Variants in DCN observed in about 807,000 individuals in gnomAD.
The protein encoded by DCN is decorin.
In DCN, 17 loss-of-function variants were observed where a neutral mutation model predicts 36.5. The ratio of observed to expected loss-of-function variants is 0.47; its 90% CI spans 0.32 to 0.70. The LOEUF (loss-of-function observed/expected upper bound fraction) is 0.70, where lower values mean the gene tolerates loss of function less well. DCN is among the 30% of genes least tolerant of loss of function. DCN has a pLI of 0.04. For synonymous variants in DCN, 163 were observed against 161.4 expected (o/e 1.01, Z -0.07); for missense variants, 389 against 430.1 (o/e 0.90, Z 0.84).
chr12:91,176,410 A>C (rs1883288493), intron 2 of DCN: 1 of 152,164 alleles, frequency 6.6e-6, no homozygotes, highest in Non-Finnish European at 1.5e-5. Flanking sequence ...TTCTCATCTG[A>C]AAACAAAAAA....
Position 91,180,000 on chromosome 12 carries a change from T to A in DCN, c.-33-1415A>T, listed in dbSNP as rs146017990. On this transcript the variant is annotated intron_variant, in intron 1 of 7. Transcript: ENST00000052754. The stretch of plus-strand genomic sequence containing the variant: ...ATCTATGTTGTTAAATCAACTGAAG[T>A]GCACTAAATAAATCTGAGTGACAAA... 5.5e-3 allele frequency among the ~76,000 whole-genome samples: 830 copies of A among 152,278 alleles called. 6 individuals carry two copies. The highest frequency in any genetic ancestry group is 0.019 in the African/African-American group (771 of 41,558).
At chr12:91,171,005 T>C (rs943665783) in intron 2 of DCN, among the ~76,000 whole-genome samples, 1 of 152,190 alleles carries the variant, frequency 6.6e-6, no homozygotes, top group Non-Finnish European at 1.5e-5. Context: ...ATAATTCCTA[T>C]TGATACTGAT....
At chr12:91,181,541 C>G (rs998308492) in intron 1 of DCN, among the ~76,000 whole-genome samples, 1 of 152,008 alleles carries the variant, frequency 6.6e-6, no homozygotes, top group Non-Finnish European at 1.5e-5. Flanking sequence ...ATGCTAATTA[C>G]TAATGTAATA....
chr12:91,157,327 GA>G (rs2121205087), intron 4 of DCN, 139 bp from the exon 5 acceptor site: 1 of 696,864 alleles, frequency 1.4e-6, no homozygotes, highest in East Asian at 2.7e-5. Context: ...TGAAGTTAAA[GA>G]GCATGCTCCT....
intron 2 of DCN, among the ~76,000 whole-genome samples, chr12:91,173,595 A>G (rs1883112462): frequency 6.6e-6 from 1 of 152,054 alleles, no homozygotes; most frequent in Non-Finnish European, 1.5e-5. Flanking sequence ...CCTCCTTCCC[A>G]TATCATGTTT....
intron 5 of DCN, among the ~76,000 whole-genome samples, chr12:91,154,288 T>C (rs1179554135): frequency 2.6e-5 from 4 of 152,172 alleles, no homozygotes; most frequent in African/African-American, 9.6e-5. Flanking sequence ...CTATTTATTG[T>C]ATGTCTGTTA....
At chr12:91,147,018 G>A (rs543200166) in intron 7 of DCN, among the ~76,000 whole-genome samples, 1 of 151,986 alleles carries the variant, frequency 6.6e-6, no homozygotes, top group Non-Finnish European at 1.5e-5. Context: ...CTTTTTTTAA[G>A]CTCTCAGAGC....
chr12:91,159,961 C>A (rs1162464805), intron 3 of DCN, among the ~76,000 whole-genome samples: 2 of 152,036 alleles, frequency 1.3e-5, no homozygotes. Flanking sequence ...CTCAGAAATG[C>A]AAGAATGTTT....
At chr12:91,164,867 T>C in intron 2 of DCN, 150 bp from the exon 3 acceptor site, 3 of 635,288 alleles carry the variant, frequency 4.7e-6, no homozygotes, top group Non-Finnish European at 5.7e-6. Context: ...ACATTCATTG[T>C]AGGGTAAAAT....
At chr12:91,166,406 G>A (rs1806121342) in intron 2 of DCN, among the ~76,000 whole-genome samples, 1 of 152,184 alleles carries the variant, frequency 6.6e-6, no homozygotes, top group Non-Finnish European at 1.5e-5. Flanking sequence ...TTTCGGAAAT[G>A]TCAATTTGCT....
At chr12:91,160,442 C>T (rs1030711633) in intron 3 of DCN, among the ~76,000 whole-genome samples, 3 of 151,968 alleles carry the variant, frequency 2.0e-5, no homozygotes, top group Non-Finnish European at 4.4e-5. Flanking sequence ...GTAGGTCTTA[C>T]ACTGTACCAA....
intron 4 of DCN, among the ~76,000 whole-genome samples, chr12:91,157,698 G>C (rs892254239): frequency 6.6e-6 from 1 of 151,436 alleles, no homozygotes; most frequent in African/African-American, 2.4e-5. Context: ...GGGCCATCTC[G>C]GCTCACTGCA....
At chr12:91,179,506 A>G (rs137876888) in intron 1 of DCN, 1 of 152,284 alleles carries the variant, frequency 6.6e-6, no homozygotes, top group East Asian at 1.9e-4. Flanking sequence ...TTATCACATT[A>G]TATTGCAATT....
At chr12:91,182,482 T>C (rs1267366076) in intron 1 of DCN, 173 bp downstream of exon 1, 5 of 152,086 alleles carry the variant, frequency 3.3e-5, no homozygotes, top group Admixed American at 6.6e-5. Context: ...TTATCAAATA[T>C]TTAACTTCTG....
chr12:91,180,242 T>C lies in DCN; in HGVS notation c.-33-1657A>G, dbSNP rs563997684. 4.0e-5 allele frequency: 6 copies of C among 150,742 alleles called. No individual in the cohort carries two copies. In the East Asian group the frequency reaches 1.2e-3, roughly 30 times the overall value. The allele number at this position is 150,742 out of a possible 1,614,324, so 9.3% of individuals were successfully genotyped here. On this transcript the variant is annotated intron_variant, in intron 1 of 7. Coordinates refer to ENST00000052754, the MANE Select transcript of DCN (RefSeq NM_001920.5). ...TAAAGCTGTACGTTCGTAAGTAGAATCTTACAGCTGTTTTGAGTCATTATC... is the reference window on the plus strand; with the variant it reads ...TAAAGCTGTACGTTCGTAAGTAGAACCTTACAGCTGTTTTGAGTCATTATC...
chr12:91,168,860 A>G (rs73360020), intron 2 of DCN, among the ~76,000 whole-genome samples: 2 of 152,306 alleles, frequency 1.3e-5, no homozygotes, highest in African/African-American at 4.8e-5. Context: ...CTTTTGTCAC[A>G]TACATATCTC....
intron 5 of DCN, among the ~76,000 whole-genome samples, chr12:91,154,702 T>G (rs1372655721): frequency 6.6e-6 from 1 of 152,180 alleles, no homozygotes; most frequent in African/African-American, 2.4e-5. Context: ...TTTGTTCATT[T>G]ATTTTAAATT....
At chr12:91,176,309 C>A (rs1883282819) in intron 2 of DCN, 1 of 151,976 alleles carries the variant, frequency 6.6e-6, no homozygotes, top group South Asian at 2.1e-4. Flanking sequence ...ATTTTAGCTA[C>A]TTCCTTAGTA....
intron 2 of DCN, among the ~76,000 whole-genome samples, chr12:91,168,633 T>G (rs1287022560): frequency 1.3e-5 from 2 of 152,236 alleles, no homozygotes; most frequent in African/African-American, 4.8e-5. Context: ...TTCTGCCATG[T>G]TCTGTTATAA....
Sources: allele counts gnomAD v4.1 joint callset (sites outside exome capture counted in the v4.1 genomes callset), GRCh38; gene constraint gnomAD v4.1.1; transcripts MANE v1.5; gene names NCBI Gene and HGNC (gene_info 2026-07-23, HGNC 2026-07-21).